Variants in NHS observed in about 807,000 individuals in gnomAD.
The protein encoded by NHS is actin remodeling regulator NHS.
In NHS, 5 loss-of-function variants were observed where a neutral mutation model predicts 72.5. The ratio of observed to expected loss-of-function variants is 0.07; its 90% CI spans 0.04 to 0.14. The LOEUF is 0.14. NHS is among the 10% of genes least tolerant of loss of function. The probability of loss-of-function intolerance (pLI) is 1.00; values close to 1 mark genes in which losing one functional copy is unlikely to be tolerated. For synonymous variants in NHS, 464 were observed against 547.7 expected, an observed-to-expected ratio of 0.85 and a Z score of 2.13; for missense variants, 1,072 against 1,355.7, an observed-to-expected ratio of 0.79 and a Z score of 3.29.
chrX:17,441,299 G>A, intron 1 of NHS, among the ~76,000 whole-genome samples: 1 of 111,829 alleles, frequency 8.9e-6, no homozygotes, highest in East Asian at 2.8e-4. Context: ...GCTCAGAGAG[G>A]TTGGATGACT....
intron 1 of NHS, among the ~76,000 whole-genome samples, chrX:17,501,407 G>C (rs1933065888): frequency 9.1e-6 from 1 of 109,484 alleles, no homozygotes; most frequent in African/African-American, 3.3e-5. Context: ...ACTTCCTTGA[G>C]ACCATAGCCA....
intron 1 of NHS, among the ~76,000 whole-genome samples, chrX:17,508,477 G>A (rs2065069824): frequency 9.0e-6 from 1 of 111,097 alleles, no homozygotes; most frequent in African/African-American, 3.3e-5. Context: ...GTTGTTGTTT[G>A]TTTGTTTGTT....
Position 17,615,261 on chromosome X carries a change from C to CATATATAT in NHS, c.566-72472_566-72465dup, listed in dbSNP as rs756380375. On this transcript the variant is annotated intron_variant, in intron 1 of 8. Coordinates refer to ENST00000676302, the MANE Select transcript of NHS (RefSeq NM_001291867.2). ...ACGTATATATATACACATATATACACATATATATATATATATGGTCTCACT... is the reference window on the plus strand; with the variant it reads ...ACGTATATATATACACATATATACACATATATATATATATATATATATATGGTCTCACT... Among the ~76,000 whole-genome samples the CATATATAT allele has an allele frequency of 4.5e-3, 406 of 89,747 alleles. 7 individuals carry two copies. Among genetic ancestry groups the CATATATAT allele is most frequent in the African/African-American group, 0.02 (396 of 19,480 alleles). 77.9% of individuals were successfully genotyped at this position (89,747 alleles called of 115,157 possible). A position where few individuals can be genotyped will look rare whatever the true frequency, so the allele number is the denominator to read the frequency against.
intron 1 of NHS, among the ~76,000 whole-genome samples, chrX:17,473,369 C>G (rs921537696): frequency 8.9e-6 from 1 of 112,318 alleles, no homozygotes; most frequent in Non-Finnish European, 1.9e-5. Context: ...AATTTATTAT[C>G]CACCCAGATA....
At chrX:17,537,776 A>G (rs1355514785) in intron 1 of NHS, among the ~76,000 whole-genome samples, 1 of 111,848 alleles carries the variant, frequency 8.9e-6, no homozygotes, top group Non-Finnish European at 1.9e-5. Flanking sequence ...CGCCAGGCTG[A>G]TGTCAGAGGG....
At chrX:17,401,313 C>T (rs2146852384) in intron 1 of NHS, among the ~76,000 whole-genome samples, 1 of 111,727 alleles carries the variant, frequency 9.0e-6, no homozygotes, top group East Asian at 2.8e-4. Context: ...TCTTTATGAC[C>T]TTGGATAGGG....
In NHS at chrX:17,395,064, C is replaced by G. The variant is rs147830896; in HGVS notation, c.565+18742C>G. 1.4e-3 allele frequency among the ~76,000 whole-genome samples: 155 copies of G among 110,703 alleles called. 1 individual carries two copies. The highest frequency in any genetic ancestry group is 4.7e-3 in the African/African-American group (143 of 30,457). On this transcript the variant is annotated intron_variant, in intron 1 of 8. Coordinates refer to ENST00000676302, the MANE Select transcript of NHS (RefSeq NM_001291867.2). ...TGCATCTTCAGTTTGGGCACCTCCT[C>G]TGCTCTACCCTGCTTCTCTCTGTCA...
At chrX:17,653,430 T>C (rs750481434) in intron 1 of NHS, among the ~76,000 whole-genome samples, 7 of 109,507 alleles carry the variant, frequency 6.4e-5, no homozygotes, top group Admixed American at 1.9e-4. Flanking sequence ...TTTTCTTTTT[T>C]TTTTTTTTAA....
intron 3 of NHS, among the ~76,000 whole-genome samples, chrX:17,706,541 A>G (rs1255433638): frequency 3.6e-5 from 4 of 110,588 alleles, no homozygotes; most frequent in Admixed American, 1.9e-4. Context: ...CGCCATGGAC[A>G]TTTCACAGTT....
intron 1 of NHS, among the ~76,000 whole-genome samples, chrX:17,476,801 C>T (rs988299435): frequency 8.9e-6 from 1 of 111,929 alleles, no homozygotes; most frequent in Non-Finnish European, 1.9e-5. Context: ...GCATTTCTAG[C>T]CCACCTCGTG....
intron 2 of NHS, 108 bp downstream of exon 2, chrX:17,688,002 T>G: frequency 1.1e-6 from 1 of 871,786 alleles, no homozygotes; most frequent in Non-Finnish European, 1.6e-6. Flanking sequence ...TTATAGCAAG[T>G]ACTTTGAAAT....
intron 1 of NHS, among the ~76,000 whole-genome samples, chrX:17,447,940 A>G (rs1259257645): frequency 9.0e-6 from 1 of 111,705 alleles, no homozygotes; most frequent in Non-Finnish European, 1.9e-5. Context: ...TCCTTATTTC[A>G]TACGATATGT....
At chrX:17,715,394 A>G (rs2066358902) in intron 3 of NHS, among the ~76,000 whole-genome samples, 1 of 112,506 alleles carries the variant, frequency 8.9e-6, no homozygotes, top group Admixed American at 9.4e-5. Context: ...TCCATGGTGT[A>G]TATTTAACAC....
At position 17,717,416 on chromosome X, in the gene NHS, T is replaced by G. The variant is rs188630299; in HGVS notation, c.853-1928T>G. On this transcript the variant is annotated intron_variant, in intron 3 of 8. Transcript: ENST00000676302. ...ATGTGGCCTCTGACCTCCAGGAATTTGCAATCTAACAAATGAAATAGACAC... is the reference window on the plus strand; with the variant it reads ...ATGTGGCCTCTGACCTCCAGGAATTGGCAATCTAACAAATGAAATAGACAC... 2.7e-3 allele frequency among the ~76,000 whole-genome samples: 301 copies of G among 112,633 alleles called. 3 individuals carry two copies. The highest frequency in any genetic ancestry group is 4.6e-3 in the Middle Eastern group (1 of 219).
At chrX:17,674,650 T>TG (rs1195534124) in intron 1 of NHS, among the ~76,000 whole-genome samples, 1 of 112,035 alleles carries the variant, frequency 8.9e-6, no homozygotes, top group East Asian at 2.8e-4. Context: ...TCATTGCTTG[T>TG]GGAGTTTCCA....
intron 1 of NHS, among the ~76,000 whole-genome samples, chrX:17,641,037 G>A (rs1327990958): frequency 8.9e-6 from 1 of 112,411 alleles, no homozygotes. Flanking sequence ...AGAAAGAGTT[G>A]ATCTGTTGCT....
chrX:17,613,776 A>C (rs914305781), intron 1 of NHS, among the ~76,000 whole-genome samples: 2 of 112,166 alleles, frequency 1.8e-5, no homozygotes, highest in Non-Finnish European at 3.8e-5. Flanking sequence ...GTACTGTGAC[A>C]GTGGGATAAA....
At chrX:17,448,481 G>T (rs2064792066) in intron 1 of NHS, among the ~76,000 whole-genome samples, 1 of 111,843 alleles carries the variant, frequency 8.9e-6, no homozygotes, top group African/African-American at 3.3e-5. Context: ...CACTGTGGCT[G>T]GGGGCCCATG....
intron 1 of NHS, among the ~76,000 whole-genome samples, chrX:17,570,835 A>G (rs745928968): frequency 8.9e-6 from 1 of 112,020 alleles, no homozygotes; most frequent in East Asian, 2.8e-4. Context: ...TTATGTTGAG[A>G]TACATTCCAC....
Sources: gnomAD v4.1 joint callset for allele counts (sites outside exome capture counted in the v4.1 genomes callset) on GRCh38, gnomAD v4.1.1 for gene constraint, MANE v1.5 for transcripts, NCBI Gene and HGNC (gene_info 2026-07-23, HGNC 2026-07-21) for gene names.